Variants in TMEM132A observed in about 807,000 individuals in gnomAD.
The protein encoded by TMEM132A is GRP78-binding protein.
TMEM132A carries 48 observed loss-of-function variants against 69.9 expected under a neutral mutation model. The ratio of observed to expected loss-of-function variants is 0.69; its 90% confidence interval spans 0.55 to 0.87. The LOEUF (loss-of-function observed/expected upper bound fraction) is 0.87. TMEM132A is among the 40% of genes least tolerant of loss of function. The probability of loss-of-function intolerance (pLI) is 0.00; values close to 1 mark genes in which losing one functional copy is unlikely to be tolerated. For synonymous variants in TMEM132A, 577 were observed against 613.7 expected (o/e 0.94, Z 0.88); for missense variants, 1,287 against 1,407.2 (o/e 0.91, Z 1.37).
rs1345887020 is a variant in TMEM132A at position 60,932,043 on chromosome 11, C to T, written c.1272C>T (p.Arg424=). Residue 424 remains arginine, a synonymous_variant, in exon 7 of 11, where the codon CGC becomes CGT. Coordinates refer to ENST00000453848, the MANE Select transcript of TMEM132A (RefSeq NM_178031.3). ...GAGTGCCCCAGCATGTCCCCGTGCG[C>T]CTTGTCACTGTGGACGGCGGGGGGG... ...LTGVPQHVPV[R]LVTVDGGGAL... The T allele has an allele frequency of 6.3e-7, 1 of 1,596,204 alleles. No homozygotes were observed. Among genetic ancestry groups the T allele is most frequent in the Non-Finnish European group, 8.5e-7 (1 of 1,172,078 alleles).
In TMEM132A at chr11:60,927,130, C is replaced by A. The variant is rs565707151; in HGVS notation, c.101-74C>A. The A allele has an allele frequency of 7.3e-4, 929 of 1,272,406 alleles. 2 individuals are homozygous for A. The highest frequency in any genetic ancestry group is 9.9e-4 in the Non-Finnish European group (871 of 879,836). 78.8% of individuals were successfully genotyped at this position (1,272,406 alleles called of 1,614,324 possible). A position where few individuals can be genotyped will look rare whatever the true frequency, so the allele number is the denominator to read the frequency against. Reference sequence around the variant, plus strand: ...CCCTCCCTTGCCCACAACTACTGTGCCCCAGCATGGCACCCGGGTCAGCCC... The same window carrying A: ...CCCTCCCTTGCCCACAACTACTGTGACCCAGCATGGCACCCGGGTCAGCCC... On this transcript the variant is annotated intron_variant, in intron 1 of 10. Coordinates refer to ENST00000453848, the MANE Select transcript of TMEM132A (RefSeq NM_178031.3).
At position 60,935,156 on chromosome 11, in the gene TMEM132A, G is replaced by T. The variant is rs893755949; in HGVS notation, c.1837-96G>T. 39 of 1,241,854 alleles carry T rather than the reference G, an allele frequency of 3.1e-5. No individual in the cohort carries two copies. The highest frequency in any genetic ancestry group is 4.0e-5 in the Non-Finnish European group (36 of 889,268). 76.9% of individuals were successfully genotyped at this position (1,241,854 alleles called of 1,614,324 possible). On this transcript the variant is annotated intron_variant, in intron 9 of 10. Transcript: ENST00000453848. The surrounding 1 kb of genome is among the most constrained non-coding windows in gnomAD (Gnocchi z 5.0). ...GGCGAAGACCTCCCCCACCTCCGGA[G>T]GGCAGCCCGTGAGGGTGCTGGGAGC...
Position 60,937,068 on chromosome 11 carries a change from T to G in TMEM132A, c.*161T>G. The stretch of plus-strand genomic sequence containing the variant: ...ATCCAGGCCCCCTCTGCCCTGCCCC[T>G]TGTCATGGACCATGGTCGTGAGGAA... On this transcript the variant is annotated 3_prime_UTR_variant, in exon 11 of 11. Coordinates refer to ENST00000453848, the MANE Select transcript of TMEM132A (RefSeq NM_178031.3). 7.5e-7 allele frequency: 1 copy of G among 1,336,002 alleles called. No homozygotes were observed. Among genetic ancestry groups the G allele is most frequent in the Admixed American group, 2.7e-5 (1 of 37,100 alleles). 82.8% of individuals were successfully genotyped at this position (1,336,002 alleles called of 1,614,324 possible).
chr11:60,937,145 GAGA>G lies in TMEM132A; in HGVS notation c.*241_*243del. ...CCATTTCATTCTAACAGAATAAACC[GAGA>G]AGGAAACCAGAGCTGGGACTGCTGC... On this transcript the variant is annotated 3_prime_UTR_variant, in exon 11 of 11. Transcript: ENST00000453848. 1 of 1,548,182 alleles carries G rather than the reference GAGA, an allele frequency of 6.5e-7. No individual in the cohort carries two copies. The highest frequency in any genetic ancestry group is 1.2e-5 in the South Asian group (1 of 83,140).
Position 60,924,665 on chromosome 11 carries a change from C to A in TMEM132A, c.32C>A (p.Ala11Glu). The A allele has an allele frequency of 1.3e-6, 2 of 1,594,384 alleles. No homozygotes were observed. Among genetic ancestry groups the A allele is most frequent in the Non-Finnish European group, 1.7e-6 (2 of 1,176,556 alleles). ...GCGCGGATGGCCGGTCGCACAACAGCGGCCCCTCGGGGGCCCTACGGCCCC... is the reference window on the plus strand; with the variant it reads ...GCGCGGATGGCCGGTCGCACAACAGAGGCCCCTCGGGGGCCCTACGGCCCC... Reference protein sequence around the residue: MCARMAGRTTAAPRGPYGPWL... With the variant: MCARMAGRTTEAPRGPYGPWL... The change falls in exon 1 of 11, where the codon GCG (alanine) becomes GAG (glutamate). Residue 11 changes from alanine (A) to glutamate (E), a missense_variant. Ala to Glu is a moderately radical substitution (Grantham distance 107, BLOSUM62 -1). Transcript: ENST00000453848.
At chr11:60,927,067 G>T (rs761146495) in intron 1 of TMEM132A, 137 bp from the exon 2 acceptor site, 2 of 752,908 alleles carry the variant, frequency 2.7e-6, no homozygotes, top group Non-Finnish European at 4.8e-6. Context: ...TCTGTGAAAT[G>T]GTGGTGAGAG....
In TMEM132A at chr11:60,935,161, GC is replaced by G; in HGVS notation, c.1837-88del. ...AGACCTCCCCCACCTCCGGAGGGCA[GC>G]CCGTGAGGGTGCTGGGAGCACCCGG... On this transcript the variant is annotated intron_variant, in intron 9 of 10. Coordinates refer to ENST00000453848, the MANE Select transcript of TMEM132A (RefSeq NM_178031.3). This position sits in a 1 kb window ranked among gnomAD's most constrained non-coding sequence, Gnocchi z 5.0. 1 of 1,286,000 alleles carries G rather than the reference GC, an allele frequency of 7.8e-7. No individual in the cohort carries two copies. Among genetic ancestry groups the G allele is most frequent in the South Asian group, 1.4e-5 (1 of 71,474 alleles). 79.7% of individuals were successfully genotyped at this position (1,286,000 alleles called of 1,614,324 possible). A position where few individuals can be genotyped will look rare whatever the true frequency, so the allele number is the denominator to read the frequency against.
At position 60,935,170 on chromosome 11, in the gene TMEM132A, G is replaced by T; in HGVS notation, c.1837-82G>T. ...CCACCTCCGGAGGGCAGCCCGTGAGGGTGCTGGGAGCACCCGGTTCCCTCT... is the reference window on the plus strand; with the variant it reads ...CCACCTCCGGAGGGCAGCCCGTGAGTGTGCTGGGAGCACCCGGTTCCCTCT... On this transcript the variant is annotated intron_variant, in intron 9 of 10. Transcript: ENST00000453848. This position sits in a 1 kb window ranked among gnomAD's most constrained non-coding sequence, Gnocchi z 5.0. The T allele has an allele frequency of 7.3e-7, 1 of 1,366,326 alleles. No homozygotes were observed. Among genetic ancestry groups the T allele is most frequent in the Non-Finnish European group, 1.0e-6 (1 of 993,854 alleles). The allele number at this position is 1,366,326 out of a possible 1,614,324, so 84.6% of individuals were successfully genotyped here.
chr11:60,930,410 C>T, intron 4 of TMEM132A, 100 bp from the exon 5 acceptor site: 1 of 1,375,000 alleles, frequency 7.3e-7, no homozygotes, highest in Middle Eastern at 1.9e-4. Flanking sequence ...AGACTGGAGC[C>T]AGGGAGGTCA....
chr11:60,936,358 G>A lies in TMEM132A; in HGVS notation c.2523G>A (p.Gln841=), dbSNP rs1422570324. The A allele has an allele frequency of 6.2e-7, 1 of 1,614,158 alleles. No individual in the cohort carries two copies. The highest frequency in any genetic ancestry group is 1.7e-5 in the Admixed American group (1 of 60,032). ...AGGAGGAGATGGTCCCTGCCCCTCA[G>A]CATGTCACTGAGCTAGAGCTGGGCA... The part of the protein sequence containing the change: ...EEEEEMVPAP[Q]HVTELELGMY... Residue 841 remains glutamine (Q), a synonymous_variant, in exon 11 of 11, where the codon CAG becomes CAA. Coordinates refer to ENST00000453848, the MANE Select transcript of TMEM132A (RefSeq NM_178031.3).
In TMEM132A at chr11:60,937,033, A is replaced by C; in HGVS notation, c.*126A>C. 7.9e-7 allele frequency: 1 copy of C among 1,261,978 alleles called. No homozygotes were observed. The highest frequency in any genetic ancestry group is 1.1e-6 in the Non-Finnish European group (1 of 939,186). 78.2% of individuals were successfully genotyped at this position (1,261,978 alleles called of 1,614,324 possible). A position where few individuals can be genotyped will look rare whatever the true frequency, so the allele number is the denominator to read the frequency against. ...CCAAGTCCCCTGCCTGGTCCCCCACAAGGACTCCCATCCAGGCCCCCTCTG... is the reference window on the plus strand; with the variant it reads ...CCAAGTCCCCTGCCTGGTCCCCCACCAGGACTCCCATCCAGGCCCCCTCTG... On this transcript the variant is annotated 3_prime_UTR_variant, in exon 11 of 11. Transcript: ENST00000453848.
chr11:60,925,055 C>G (rs1482884769), intron 1 of TMEM132A, among the ~76,000 whole-genome samples: 2 of 152,148 alleles, frequency 1.3e-5, no homozygotes, highest in African/African-American at 4.8e-5. Context: ...CCCGGGCGCA[C>G]TAGCGTCATC....
Position 60,935,212 on chromosome 11 carries a change from T to C in TMEM132A, c.1837-40T>C, listed in dbSNP as rs377321312. ...GTTCCCTCTGGGTGGGGGCTGTCTG[T>C]ATGGAAGGCCCCCCACCTCCAGCTC... On this transcript the variant is annotated intron_variant, in intron 9 of 10. Transcript: ENST00000453848. This position sits in a 1 kb window ranked among gnomAD's most constrained non-coding sequence, Gnocchi z 5.0. 2.8e-5 allele frequency: 44 copies of C among 1,555,164 alleles called. 1 individual carries two copies. In the South Asian group the frequency reaches 5.1e-4, roughly 18 times the overall value.
At chr11:60,928,594 C>G in intron 3 of TMEM132A, 35 bp from the exon 4 acceptor site, 1 of 1,586,386 alleles carries the variant, frequency 6.3e-7, no homozygotes, top group Non-Finnish European at 8.6e-7. Flanking sequence ...CCTGCACCCA[C>G]CCCCATGCCA....
chr11:60,934,609 G>C lies in TMEM132A; in HGVS notation c.1681G>C (p.Gly561Arg), dbSNP rs1856549372. ...CCCCTTCGCGGCCCACCCGCTGGAC[G>C]GCGGCCGCCGCCTCACGCACCTGCT... is the stretch of plus-strand genomic sequence containing the variant. ...LAPFAAHPLDGGRRLTHLLGP... is the reference protein window; with the variant it reads ...LAPFAAHPLDRGRRLTHLLGP... Residue 561 changes from glycine (G) to arginine (R), a missense_variant, in exon 9 of 11, where the codon GGC (glycine) becomes CGC (arginine). Transcript: ENST00000453848. The C allele has an allele frequency of 1.3e-6, 2 of 1,578,626 alleles. No homozygotes were observed.
At chr11:60,927,137 A>G in intron 1 of TMEM132A, 67 bp from the exon 2 acceptor site, 1 of 1,373,898 alleles carries the variant, frequency 7.3e-7, no homozygotes, top group South Asian at 1.2e-5. Flanking sequence ...GTGCCCCAGC[A>G]TGGCACCCGG....
At chr11:60,931,516 G>A (rs1207084141) in intron 5 of TMEM132A, among the ~76,000 whole-genome samples, 173 bp from the exon 6 acceptor site, 1 of 152,138 alleles carries the variant, frequency 6.6e-6, no homozygotes, top group African/African-American at 2.4e-5. Context: ...AGGATGCTTG[G>A]GTTTAGATCC....
chr11:60,935,425 C>A lies in TMEM132A; in HGVS notation c.2010C>A (p.Ala670=). 2 of 1,606,310 alleles carry A rather than the reference C, an allele frequency of 1.2e-6. No homozygotes were observed. The highest frequency in any genetic ancestry group is 8.5e-7 in the Non-Finnish European group (1 of 1,176,930). ...EVTATCWAQS[A]LPAPKQEVAL... The stretch of plus-strand genomic sequence containing the variant: ...CAGCTACGTGCTGGGCACAGTCAGC[C>A]CTTCCCGCCCCAAAGCAGGTGACAG... Residue 670 remains alanine, a synonymous_variant, in exon 10 of 11, where the codon GCC becomes GCA. Transcript: ENST00000453848. This position sits in a 1 kb window ranked among gnomAD's most constrained non-coding sequence, Gnocchi z 5.0.
intron 1 of TMEM132A, chr11:60,926,726 C>A: frequency 4.3e-6 from 1 of 234,366 alleles, no homozygotes. Context: ...GTGCAGGTTG[C>A]CATGGCAATG....
Sources: allele counts gnomAD v4.1 joint callset (sites outside exome capture counted in the v4.1 genomes callset), GRCh38; gene constraint gnomAD v4.1.1; non-coding constraint Gnocchi (gnomAD v3.1); transcripts MANE v1.5; gene names NCBI Gene and HGNC (gene_info 2026-07-23, HGNC 2026-07-21).